The following BIN3 variants were observed in gnomAD, a reference collection of about 807,000 sequenced individuals.
The protein encoded by BIN3 is bridging integrator 3.
Under a neutral mutation model 38.2 loss-of-function variants are expected in BIN3, and 41 were observed. That is an observed-to-expected ratio of 1.07 (90% CI 0.84 to 1.39). The LOEUF (loss-of-function observed/expected upper bound fraction) is 1.39. Among genes scored for constraint, BIN3 ranks in the 40% most tolerant of loss-of-function variants. The pLI is 0.00. For synonymous variants in BIN3, 145 were observed against 122.6 expected, an observed-to-expected ratio of 1.18 and a Z score of -1.21; for missense variants, 361 against 324.3, an observed-to-expected ratio of 1.11 and a Z score of -0.87.
At chr8:22,662,173 C>A (rs1203796226) in intron 1 of BIN3, among the ~76,000 whole-genome samples, 2 of 152,154 alleles carry the variant, frequency 1.3e-5, no homozygotes, top group African/African-American at 4.8e-5. Flanking sequence ...ATGACGATGC[C>A]CCTCACACTC....
At chr8:22,666,616 CAG>C (rs749842510) in intron 1 of BIN3, among the ~76,000 whole-genome samples, 7 of 152,188 alleles carry the variant, frequency 4.6e-5, no homozygotes, top group East Asian at 1.9e-4. Context: ...ACTAAACAAA[CAG>C]GGGGTGGGCG....
chr8:22,630,555 T>A lies in BIN3; in HGVS notation c.184A>T (p.Ile62Leu), dbSNP rs1448067349. The change falls in exon 5 of 9, where the codon ATA becomes TTA. Residue 62 changes from isoleucine to leucine, a missense_variant. Physicochemically the swap from Ile to Leu is conservative, Grantham distance 5. Coordinates refer to ENST00000276416, the MANE Select transcript of BIN3 (RefSeq NM_018688.6). ...GGATTGGAGAGTAAGTCCAAGGATA[T>A]CTTCACGGCAGATTTTGACATGGCT... ...DLAMSKSAVKISLDLLSNPLC... is the reference protein window; with the variant it reads ...DLAMSKSAVKLSLDLLSNPLC... 3 of 1,613,964 alleles carry A rather than the reference T, an allele frequency of 1.9e-6. No homozygotes were observed. The highest frequency in any genetic ancestry group is 1.7e-5 in the Admixed American group (1 of 60,028).
intron 1 of BIN3, among the ~76,000 whole-genome samples, chr8:22,663,779 C>A (rs1438955353): frequency 1.3e-5 from 2 of 152,196 alleles, no homozygotes; most frequent in Non-Finnish European, 2.9e-5. Flanking sequence ...CTCCACACAC[C>A]TTTTTCATGC....
intron 1 of BIN3, among the ~76,000 whole-genome samples, chr8:22,664,308 G>A (rs189651052): frequency 5.9e-5 from 9 of 152,258 alleles, no homozygotes; most frequent in East Asian, 1.9e-4. Context: ...CTCATTAAAC[G>A]CCTGAAATAA....
intron 4 of BIN3, among the ~76,000 whole-genome samples, chr8:22,633,338 C>T (rs1283786641): frequency 6.6e-6 from 1 of 152,194 alleles, no homozygotes; most frequent in African/African-American, 2.4e-5. Flanking sequence ...TCTCCATGCC[C>T]CTCTGGACCT....
rs926890687 is a variant in BIN3, at chr8:22,636,526, C to G, written c.159G>C (p.Leu53=). The G allele has an allele frequency of 6.4e-7, 1 of 1,552,374 alleles. No individual in the cohort carries two copies. The highest frequency in any genetic ancestry group is 1.4e-5 in the African/African-American group (1 of 73,198). The change falls in exon 4 of 9, where the codon CTG becomes CTC. Residue 53 remains leucine, a splice_region_variant and synonymous_variant. Transcript: ENST00000276416. ...TGGTGCGGGTGGAAAGTCACCTACC[C>G]AGGTCTGCGTCGGTGCTCTTCTTCA... ...KDMKKSTDAD[L]AMSKSAVKIS... is the part of the protein sequence containing the mutation.
intron 6 of BIN3, chr8:22,624,722 T>A (rs551533823): frequency 7.5e-4 from 177 of 237,316 alleles, no homozygotes; most frequent in African/African-American, 3.7e-3. Flanking sequence ...GACCCCCACC[T>A]CCTGTGAGCT....
intron 1 of BIN3, among the ~76,000 whole-genome samples, chr8:22,655,978 G>A (rs1051589397): frequency 2.0e-5 from 3 of 152,074 alleles, no homozygotes; most frequent in Non-Finnish European, 4.4e-5. Flanking sequence ...CTGATACTTA[G>A]CAAAGCAAAT....
intron 8 of BIN3, 134 bp downstream of exon 8, chr8:22,623,781 T>A: frequency 8.5e-7 from 1 of 1,182,370 alleles, no homozygotes; most frequent in African/African-American, 1.5e-5. Flanking sequence ...TGGAATGAAT[T>A]CCTTCAGGGC....
At position 22,643,252 on chromosome 8, in the gene BIN3, G is replaced by A. The variant is rs558006074; in HGVS notation, c.57+1503C>T. On this transcript the variant is annotated intron_variant, in intron 2 of 8. Transcript: ENST00000276416. ...TGGACTTCAGCTGAGAGCCTCCACA[G>A]ATGGTCAGCCTCTGCATGAGAGGTC... Among the ~76,000 whole-genome samples, 4 of 152,356 alleles carry A rather than the reference G, an allele frequency of 2.6e-5. No individual in the cohort carries two copies. In the East Asian group the frequency reaches 5.8e-4, roughly 22 times the overall value.
chr8:22,646,189 GAGGCC>G (rs1284732748), intron 1 of BIN3, among the ~76,000 whole-genome samples: 4 of 152,186 alleles, frequency 2.6e-5, no homozygotes, highest in Admixed American at 2.6e-4. Flanking sequence ...AGGAAGAAAA[GAGGCC>G]AGGCTAGAAA....
chr8:22,649,282 A>G (rs1337934086), intron 1 of BIN3, among the ~76,000 whole-genome samples: 1 of 152,232 alleles, frequency 6.6e-6, no homozygotes, highest in African/African-American at 2.4e-5. Context: ...TGCTCCCAGG[A>G]AAACTTCTCA....
intron 1 of BIN3, among the ~76,000 whole-genome samples, chr8:22,650,775 C>A (rs1388027244): frequency 6.6e-6 from 1 of 152,190 alleles, no homozygotes; most frequent in Non-Finnish European, 1.5e-5. Flanking sequence ...TCTACTTTAG[C>A]TATTGACTTT....
intron 1 of BIN3, among the ~76,000 whole-genome samples, chr8:22,645,385 A>C (rs1339707359): frequency 6.6e-6 from 1 of 152,120 alleles, no homozygotes; most frequent in African/African-American, 2.4e-5. Context: ...GAGAGGCTGA[A>C]GCAGGAGGAT....
chr8:22,643,702 C>G (rs1215938037), intron 2 of BIN3, among the ~76,000 whole-genome samples: 1 of 152,252 alleles, frequency 6.6e-6, no homozygotes. Flanking sequence ...CCAAACTTCT[C>G]ACCACACTGA....
chr8:22,662,404 C>T (rs1803264811), intron 1 of BIN3, among the ~76,000 whole-genome samples: 1 of 152,180 alleles, frequency 6.6e-6, no homozygotes, highest in Non-Finnish European at 1.5e-5. Context: ...TCTGTTTTTC[C>T]TGATTACTAA....
chr8:22,651,667 G>A (rs1387863395), intron 1 of BIN3, among the ~76,000 whole-genome samples: 1 of 152,144 alleles, frequency 6.6e-6, no homozygotes, highest in Non-Finnish European at 1.5e-5. Context: ...CTGTGGGAAA[G>A]TCTGAAGCCA....
At chr8:22,647,806 A>T (rs1403600586) in intron 1 of BIN3, among the ~76,000 whole-genome samples, 1 of 152,190 alleles carries the variant, frequency 6.6e-6, no homozygotes, top group Non-Finnish European at 1.5e-5. Flanking sequence ...ACTTTAAAAA[A>T]ATCCTTCACA....
intron 2 of BIN3, among the ~76,000 whole-genome samples, chr8:22,644,100 C>T (rs1297319199): frequency 6.6e-6 from 1 of 152,246 alleles, no homozygotes; most frequent in Non-Finnish European, 1.5e-5. Flanking sequence ...CCACGGGCCT[C>T]ATTTTCTTCA....
Sources: gnomAD v4.1 joint callset for allele counts (sites outside exome capture counted in the v4.1 genomes callset) on GRCh38, gnomAD v4.1.1 for gene constraint, MANE v1.5 for transcripts, NCBI Gene and HGNC (gene_info 2026-07-23, HGNC 2026-07-21) for gene names.